The following KCNIP4 variants were observed in gnomAD, a reference collection of about 807,000 sequenced individuals.
KCNIP4 encodes potassium voltage-gated channel interacting protein 4, also known as Kv channel-interacting protein 4.
Under a neutral mutation model 34.0 loss-of-function variants are expected in KCNIP4, and 12 were observed. The ratio of observed to expected loss-of-function variants is 0.35; its 90% CI spans 0.23 to 0.57. KCNIP4 has a LOEUF of 0.57. Ranked by LOEUF, KCNIP4 falls within the 20% of genes least tolerant of loss-of-function variation. The probability of loss-of-function intolerance (pLI) is 0.83; values close to 1 mark genes in which losing one functional copy is unlikely to be tolerated. For missense variants in KCNIP4, 238 were observed against 311.7 expected (o/e 0.76, Z 1.78); for synonymous variants, 124 against 102.2 (o/e 1.21, Z -1.29).
At chr4:20,936,646 A>G (rs1163123332) in intron 1 of KCNIP4, among the ~76,000 whole-genome samples, 4 of 152,106 alleles carry the variant, frequency 2.6e-5, no homozygotes, top group Non-Finnish European at 4.4e-5. Flanking sequence ...TCCATATCCT[A>G]TGAGTCTTCA....
intron 1 of KCNIP4, among the ~76,000 whole-genome samples, chr4:21,616,817 T>C (rs1299070132): frequency 6.6e-6 from 1 of 152,196 alleles, no homozygotes; most frequent in Non-Finnish European, 1.5e-5. Context: ...CAGTATGGCC[T>C]CATCTTAATA....
intron 1 of KCNIP4, among the ~76,000 whole-genome samples, chr4:21,255,881 A>C (rs964587035): frequency 1.3e-5 from 2 of 152,162 alleles, no homozygotes; most frequent in African/African-American, 4.8e-5. Context: ...TTCATTTATT[A>C]ATTCAATTAA....
At chr4:21,096,665 G>C (rs1747483039) in intron 1 of KCNIP4, among the ~76,000 whole-genome samples, 1 of 151,842 alleles carries the variant, frequency 6.6e-6, no homozygotes, top group African/African-American at 2.4e-5. Flanking sequence ...AAATTTCCTT[G>C]TGTTTCTTAT....
chr4:21,420,252 G>A (rs759144565), intron 1 of KCNIP4, among the ~76,000 whole-genome samples: 39 of 152,096 alleles, frequency 2.6e-4, no homozygotes, highest in Non-Finnish European at 5.3e-4. Flanking sequence ...TTAAAATGGC[G>A]AAATAATGTT....
At chr4:21,770,571 A>G (rs1034267699) in intron 1 of KCNIP4, among the ~76,000 whole-genome samples, 12 of 152,152 alleles carry the variant, frequency 7.9e-5, no homozygotes, top group Non-Finnish European at 1.3e-4. Context: ...CATTCCCACC[A>G]ACAGTGTAAA....
chr4:21,503,224 T>C (rs1235949996), intron 1 of KCNIP4, among the ~76,000 whole-genome samples: 1 of 152,184 alleles, frequency 6.6e-6, no homozygotes, highest in Non-Finnish European at 1.5e-5. Flanking sequence ...ACTAGTCTTG[T>C]CTTGTATTTT....
At chr4:20,741,959 A>C (rs978314430) in intron 5 of KCNIP4, among the ~76,000 whole-genome samples, 1 of 152,252 alleles carries the variant, frequency 6.6e-6, no homozygotes, top group African/African-American at 2.4e-5. Context: ...CGAATAAACT[A>C]GAAAATCTAG....
At position 20,749,729 on chromosome 4, in the gene KCNIP4, G is replaced by C; in HGVS notation, c.362C>G (p.Ser121Cys). ...IYSQFFPQGD[S>C]TTYAHFLFNA... ...GAACAGAAAATGTGCATATGTTGTAGAGTCTGAAATGGTAAAAAGGGAGTA... is the reference window on the plus strand; with the variant it reads ...GAACAGAAAATGTGCATATGTTGTACAGTCTGAAATGGTAAAAAGGGAGTA... Residue 121 changes from serine to cysteine, a missense_variant, in exon 5 of 9, where the codon TCT (serine) becomes TGT (cysteine). By Grantham distance (112) the Ser-to-Cys change is moderately radical (BLOSUM62 -1). Coordinates refer to ENST00000382152, the MANE Select transcript of KCNIP4 (RefSeq NM_025221.6). 1 of 1,603,996 alleles carries C rather than the reference G, an allele frequency of 6.2e-7. No homozygotes were observed. Among genetic ancestry groups the C allele is most frequent in the Non-Finnish European group, 8.5e-7 (1 of 1,172,474 alleles).
intron 1 of KCNIP4, among the ~76,000 whole-genome samples, chr4:21,110,286 G>C (rs552878595): frequency 2.1e-4 from 32 of 152,228 alleles, no homozygotes; most frequent in African/African-American, 7.0e-4. Context: ...CATGTAGGTG[G>C]GTTTACTTCA....
rs188325989 is a variant in KCNIP4, at chr4:21,528,620, A to G, written c.61+419951T>C. 2.9e-3 allele frequency among the ~76,000 whole-genome samples: 435 copies of G among 150,406 alleles called. 5 individuals are homozygous for G. The highest frequency in any genetic ancestry group is 0.01 in the African/African-American group (414 of 40,728). On this transcript the variant is annotated intron_variant, in intron 1 of 8. Coordinates refer to ENST00000382152, the MANE Select transcript of KCNIP4 (RefSeq NM_025221.6). ...AGGTGGAGGTTGCAGTGAGCCAAGAACGCGTCACTGAACTCCAGCCTGGGC... is the reference window on the plus strand; with the variant it reads ...AGGTGGAGGTTGCAGTGAGCCAAGAGCGCGTCACTGAACTCCAGCCTGGGC...
At position 21,715,426 on chromosome 4, in the gene KCNIP4, A is replaced by G. The variant is rs186310423; in HGVS notation, c.61+233145T>C. Among the ~76,000 whole-genome samples, 928 of 152,096 alleles carry G rather than the reference A, an allele frequency of 6.1e-3. 1 individual carries two copies. Among genetic ancestry groups the G allele is most frequent in the Admixed American group, 0.011 (174 of 15,272 alleles). On this transcript the variant is annotated intron_variant, in intron 1 of 8. Coordinates refer to ENST00000382152, the MANE Select transcript of KCNIP4 (RefSeq NM_025221.6). ...ATTACAGGTGTGAGCCACCGCGCCC[A>G]GCCTGATGTATTTTATTTTACACAA...
At chr4:20,963,569 A>G (rs1368251452) in intron 1 of KCNIP4, among the ~76,000 whole-genome samples, 1 of 152,184 alleles carries the variant, frequency 6.6e-6, no homozygotes, top group South Asian at 2.1e-4. Flanking sequence ...TTAAAAAAAA[A>G]GTAGTGCATG....
intron 1 of KCNIP4, among the ~76,000 whole-genome samples, chr4:21,947,714 A>G (rs1381942764): frequency 6.6e-6 from 1 of 152,222 alleles, no homozygotes; most frequent in Non-Finnish European, 1.5e-5. Flanking sequence ...TAGCTTATGT[A>G]ATCAGGGAGA....
intron 1 of KCNIP4, among the ~76,000 whole-genome samples, chr4:20,968,480 A>G (rs180930141): frequency 6.5e-4 from 99 of 152,302 alleles, no homozygotes; most frequent in African/African-American, 2.3e-3. Context: ...ATGCACACAT[A>G]TGTTTATTGC....
Position 21,572,602 on chromosome 4 carries a change from A to T in KCNIP4, c.61+375969T>A, listed in dbSNP as rs183426047. ...CATTTTATATAGCAACATTGCTGAA[A>T]AAAATGCATGGATCCACAAAGATCT... On this transcript the variant is annotated intron_variant, in intron 1 of 8. Transcript: ENST00000382152. Among the ~76,000 whole-genome samples, 105 of 152,208 alleles carry T rather than the reference A, an allele frequency of 6.9e-4. No individual in the cohort carries two copies. In the Middle Eastern group the frequency reaches 0.014, roughly 20 times the overall value.
intron 1 of KCNIP4, among the ~76,000 whole-genome samples, chr4:21,670,976 TTA>T (rs202071034): frequency 6.9e-4 from 101 of 145,444 alleles, no homozygotes; most frequent in Admixed American, 7.5e-4. Context: ...TTTTTTTTTT[TTA>T]AATTAATAAC....
chr4:21,526,132 A>T (rs2108961397), intron 1 of KCNIP4, among the ~76,000 whole-genome samples: 1 of 152,254 alleles, frequency 6.6e-6, no homozygotes, highest in South Asian at 2.1e-4. Flanking sequence ...TATGTTTTGG[A>T]TCTGTGTCCC....
At chr4:21,385,996 A>T (rs1015117701) in intron 1 of KCNIP4, among the ~76,000 whole-genome samples, 4 of 152,208 alleles carry the variant, frequency 2.6e-5, no homozygotes, top group African/African-American at 9.7e-5. Flanking sequence ...AACGGTCATC[A>T]ATCAAGGAAA....
chr4:21,441,266 C>T (rs1049933173), intron 1 of KCNIP4, among the ~76,000 whole-genome samples: 5 of 151,936 alleles, frequency 3.3e-5, no homozygotes, highest in African/African-American at 9.6e-5. Flanking sequence ...CTCAGCCTCC[C>T]GAGTAGCTGG....
Sources: allele counts gnomAD v4.1 joint callset (sites outside exome capture counted in the v4.1 genomes callset), GRCh38; gene constraint gnomAD v4.1.1; transcripts MANE v1.5; gene names NCBI Gene and HGNC (gene_info 2026-07-23, HGNC 2026-07-21).